GPC6: variants seen among roughly 807,000 people sequenced by gnomAD.
GPC6 encodes the protein glypican 6.
GPC6 carries 14 observed loss-of-function variants against 55.2 expected under a neutral mutation model. That is an observed-to-expected ratio of 0.25 (90% confidence interval 0.17 to 0.40). The LOEUF is 0.40. Among genes scored for constraint, GPC6 ranks in the 10% least tolerant of loss-of-function variants. The pLI, the probability that GPC6 is intolerant of heterozygous loss-of-function variation, is 1.00. For synonymous variants in GPC6, 278 were observed against 259.6 expected, an observed-to-expected ratio of 1.07 and a Z score of -0.68; for missense variants, 641 against 708.5, an observed-to-expected ratio of 0.90 and a Z score of 1.08.
At position 93,925,959 on chromosome 13, in the gene GPC6, CT is replaced by C. The variant is rs1306467931; in HGVS notation, c.711+95416del. On this transcript the variant is annotated intron_variant, in intron 3 of 8. Transcript: ENST00000377047. ...ACCAGTTGAAGGCTGCCAGTCATCT[CT>C]TACTCTTTCTCTTATTCTTTGCATA... is the stretch of plus-strand genomic sequence containing the variant. 2.0e-5 allele frequency among the ~76,000 whole-genome samples: 3 copies of C among 152,294 alleles called. No individual in the cohort carries two copies. The East Asian group carries it at 5.8e-4, about 29-fold the overall frequency.
chr13:93,719,523 C>G (rs1177684029), intron 2 of GPC6, among the ~76,000 whole-genome samples: 2 of 152,080 alleles, frequency 1.3e-5, no homozygotes, highest in Non-Finnish European at 2.9e-5. Context: ...ATCGTGCCAT[C>G]TGCAAACAGA....
chr13:94,065,005 A>G (rs1290449589), intron 4 of GPC6, among the ~76,000 whole-genome samples: 1 of 152,162 alleles, frequency 6.6e-6, no homozygotes, highest in Non-Finnish European at 1.5e-5. Context: ...AAAAAGGATC[A>G]GGGAATTTTA....
intron 2 of GPC6, among the ~76,000 whole-genome samples, chr13:93,822,976 G>A (rs1048177564): frequency 6.6e-6 from 1 of 151,552 alleles, no homozygotes; most frequent in Non-Finnish European, 1.5e-5. Context: ...CAATTCTCTT[G>A]CTTCAGCCTC....
At chr13:93,714,957 G>A (rs1284554203) in intron 2 of GPC6, among the ~76,000 whole-genome samples, 1 of 151,374 alleles carries the variant, frequency 6.6e-6, no homozygotes, top group African/African-American at 2.4e-5. Flanking sequence ...ATGGTGACAG[G>A]GGTATATTTT....
chr13:93,222,165 A>G (rs1192033718), upstream of GPC6, among the ~76,000 whole-genome samples: 1 of 152,232 alleles, frequency 6.6e-6, no homozygotes, highest in Non-Finnish European at 1.5e-5. Flanking sequence ...AACATGAACC[A>G]AATGCTATAA....
intron 3 of GPC6, among the ~76,000 whole-genome samples, chr13:94,010,967 G>GA (rs1882221903): frequency 6.6e-6 from 1 of 152,114 alleles, no homozygotes; most frequent in Non-Finnish European, 1.5e-5. Flanking sequence ...CATCATATCT[G>GA]AAACACCAAG....
Position 94,230,922 on chromosome 13 carries a change from G to A in GPC6, c.878-55427G>A, listed in dbSNP as rs550471996. Among the ~76,000 whole-genome samples the A allele has an allele frequency of 7.2e-5, 11 of 152,192 alleles. No individual in the cohort carries two copies. The East Asian group carries it at 1.5e-3, about 21-fold the overall frequency. On this transcript the variant is annotated intron_variant, in intron 4 of 8. Coordinates refer to ENST00000377047, the MANE Select transcript of GPC6 (RefSeq NM_005708.5). ...GAAGGTGTTATTTACTCATTTTTCA[G>A]GTGAAGAGTCTGAAGCCAGAAAGGG... is the stretch of plus-strand genomic sequence containing the variant.
chr13:94,271,149 C>G (rs1291292371), intron 4 of GPC6, among the ~76,000 whole-genome samples: 2 of 142,854 alleles, frequency 1.4e-5, no homozygotes, highest in East Asian at 4.1e-4. Flanking sequence ...CGCCACCATG[C>G]CCGGCTAATT....
intron 4 of GPC6, among the ~76,000 whole-genome samples, chr13:94,263,625 G>T (rs1891713195): frequency 6.6e-6 from 1 of 152,172 alleles, no homozygotes; most frequent in Non-Finnish European, 1.5e-5. Context: ...CAGTCATTTT[G>T]ACTTAGGACA....
chr13:93,724,049 T>A (rs1322180049), intron 2 of GPC6, among the ~76,000 whole-genome samples: 1 of 151,966 alleles, frequency 6.6e-6, no homozygotes, highest in Non-Finnish European at 1.5e-5. Flanking sequence ...TAAAAGAGGA[T>A]TTTTAATGGT....
intron 1 of GPC6, among the ~76,000 whole-genome samples, chr13:93,263,964 T>A (rs1333162315): frequency 6.6e-6 from 1 of 152,172 alleles, no homozygotes; most frequent in Non-Finnish European, 1.5e-5. Flanking sequence ...GAGTCACTTG[T>A]TGCACACCTC....
At chr13:93,965,320 AGAATGGCAT>A (rs1443356063) in intron 3 of GPC6, among the ~76,000 whole-genome samples, 2 of 151,980 alleles carry the variant, frequency 1.3e-5, no homozygotes, top group African/African-American at 4.8e-5. Context: ...CTGAGGCAGG[AGAATGGCAT>A]GAACCCGGGA....
chr13:94,388,678 A>C (rs554744415), intron 7 of GPC6, among the ~76,000 whole-genome samples: 1 of 152,354 alleles, frequency 6.6e-6, no homozygotes, highest in African/African-American at 2.4e-5. Flanking sequence ...GTCCAAGATC[A>C]GGGTGCCGGC....
chr13:94,081,689 A>T (rs1268082591), intron 4 of GPC6, among the ~76,000 whole-genome samples: 4 of 152,136 alleles, frequency 2.6e-5, no homozygotes, highest in Admixed American at 6.5e-5. Flanking sequence ...GCTAGAAGGA[A>T]TTACTCAGGT....
intron 6 of GPC6, among the ~76,000 whole-genome samples, chr13:94,372,560 C>T (rs1879612251): frequency 6.6e-6 from 1 of 152,162 alleles, no homozygotes; most frequent in African/African-American, 2.4e-5. Flanking sequence ...CTCGGAGGGT[C>T]CTACGCCCAC....
rs1054772401 is a variant in GPC6 at position 93,811,493 on chromosome 13, C to G, written c.320-18661C>G. ...GTATCATAATCAGGTAGCTATTGAA[C>G]TGGTTAAGAAAATGTTCTTAGATTT... On this transcript the variant is annotated intron_variant, in intron 2 of 8. Transcript: ENST00000377047. Among the ~76,000 whole-genome samples, 7 of 152,198 alleles carry G rather than the reference C, an allele frequency of 4.6e-5. No homozygotes were observed. The East Asian group carries it at 1.4e-3, about 29-fold the overall frequency.
At chr13:93,966,845 G>A (rs992248919) in intron 3 of GPC6, among the ~76,000 whole-genome samples, 5 of 151,714 alleles carry the variant, frequency 3.3e-5, no homozygotes, top group African/African-American at 1.2e-4. Flanking sequence ...TGCAGTGATG[G>A]GGTCTTGCTA....
intron 2 of GPC6, among the ~76,000 whole-genome samples, chr13:93,709,853 A>G (rs1035356150): frequency 6.6e-6 from 1 of 151,792 alleles, no homozygotes; most frequent in Non-Finnish European, 1.5e-5. Flanking sequence ...TTGGCTGGTT[A>G]AAAACCAGAT....
intron 2 of GPC6, among the ~76,000 whole-genome samples, chr13:93,696,845 A>G (rs1006206526): frequency 3.3e-5 from 5 of 151,922 alleles, no homozygotes; most frequent in African/African-American, 1.2e-4. Context: ...GCTGGTCTCT[A>G]ACTCCTGACC....
Sources: allele counts gnomAD v4.1 joint callset (sites outside exome capture counted in the v4.1 genomes callset), GRCh38; gene constraint gnomAD v4.1.1; transcripts MANE v1.5; gene names NCBI Gene and HGNC (gene_info 2026-07-23, HGNC 2026-07-21).